Variants in INPP5A observed in about 807,000 individuals in gnomAD.
The protein encoded by INPP5A is 43 kDa inositol polyphosphate 5-phophatase.
A neutral mutation model predicts 65.2 loss-of-function variants in INPP5A; 14 were observed. The observed-to-expected ratio is 0.21, with a 90% CI of 0.14 to 0.34. INPP5A has a LOEUF of 0.34. INPP5A is among the 10% of genes least tolerant of loss of function. The pLI, the probability that INPP5A is intolerant of heterozygous loss-of-function variation, is 1.00. For synonymous variants in INPP5A, 207 were observed against 208.3 expected (o/e 0.99, Z 0.05); for missense variants, 431 against 545.6 (o/e 0.79, Z 2.09).
intron 4 of INPP5A, among the ~76,000 whole-genome samples, chr10:132,681,264 G>A (rs942611551): frequency 5.9e-5 from 9 of 152,172 alleles, no homozygotes; most frequent in African/African-American, 1.2e-4. Flanking sequence ...CAAGCTGCCC[G>A]AGCCAGCAGT....
Position 132,542,557 on chromosome 10 carries a change from ACT to A in INPP5A, c.75+4391_75+4392del, listed in dbSNP as rs2070920074. 1.3e-5 allele frequency among the ~76,000 whole-genome samples: 2 copies of A among 151,238 alleles called. 1 individual carries two copies. The highest frequency in any genetic ancestry group is 4.2e-4 in the South Asian group (2 of 4,800). On this transcript the variant is annotated intron_variant, in intron 1 of 15. Transcript: ENST00000368594. ...CCTCCAGCCACTGCGGGGCATCCTG[ACT>A]CTCTACCGTGGCAGCCCTCGAGTGG...
At chr10:132,629,654 G>A (rs568038495) in intron 2 of INPP5A, among the ~76,000 whole-genome samples, 16 of 152,328 alleles carry the variant, frequency 1.1e-4, no homozygotes, top group South Asian at 1.0e-3. Flanking sequence ...TGCATTGTGC[G>A]GACAGCCCTG....
intron 2 of INPP5A, among the ~76,000 whole-genome samples, chr10:132,638,887 G>A: frequency 6.6e-6 from 1 of 152,122 alleles, no homozygotes. Context: ...TTTTCTTCAA[G>A]CCACGCTGAG....
rs945780065 is a variant in INPP5A, at chr10:132,537,801, T to G, written c.-296T>G. The G allele has an allele frequency of 1.7e-5, 6 of 359,078 alleles. No individual in the cohort carries two copies. Among genetic ancestry groups the G allele is most frequent in the African/African-American group, 6.4e-5 (3 of 46,554 alleles). The allele number at this position is 359,078 out of a possible 1,614,324, so 22.2% of individuals were successfully genotyped here. Reference sequence around the variant, plus strand: ...CGCGGGGCGGGACTTGCCCTCAGCCTGAGTCGGCGGCGGCTGCGGGAACTT... The same window carrying G: ...CGCGGGGCGGGACTTGCCCTCAGCCGGAGTCGGCGGCGGCTGCGGGAACTT... On this transcript the variant is annotated 5_prime_UTR_variant, in exon 1 of 16. Transcript: ENST00000368594.
intron 2 of INPP5A, among the ~76,000 whole-genome samples, chr10:132,641,693 C>T (rs1362158040): frequency 6.6e-6 from 1 of 152,244 alleles, no homozygotes; most frequent in Non-Finnish European, 1.5e-5. Context: ...ACAATAGCAT[C>T]ATCTGCTGCC....
chr10:132,726,123 C>A (rs1176060259), intron 8 of INPP5A, among the ~76,000 whole-genome samples: 2 of 152,136 alleles, frequency 1.3e-5, no homozygotes, highest in Non-Finnish European at 2.9e-5. Context: ...GTGGAAAAAC[C>A]TTTAGGAAAC....
In INPP5A at chr10:132,644,650, C is replaced by T. The variant is rs2072469791; in HGVS notation, c.118-1218C>T. 6.6e-6 allele frequency among the ~76,000 whole-genome samples: 1 copy of T among 152,250 alleles called. No homozygotes were observed. The highest frequency in any genetic ancestry group is 1.5e-5 in the Non-Finnish European group (1 of 68,048). ...CCCTTCTCTCCCCGCCTTTCCGCTC[C>T]TCCAAGGAAGCTCGTCCTTTTGGGC... On this transcript the variant is annotated intron_variant, in intron 2 of 15. Coordinates refer to ENST00000368594, the MANE Select transcript of INPP5A (RefSeq NM_005539.5). This position sits in a 1 kb window ranked among gnomAD's most constrained non-coding sequence, Gnocchi z 6.5.
At chr10:132,735,287 G>T (rs1846156618) in intron 9 of INPP5A, among the ~76,000 whole-genome samples, 1 of 152,220 alleles carries the variant, frequency 6.6e-6, no homozygotes, top group Non-Finnish European at 1.5e-5. Flanking sequence ...CTCCTCTGGG[G>T]TGGTTTTCAG....
intron 1 of INPP5A, among the ~76,000 whole-genome samples, chr10:132,580,166 A>G (rs1250509743): frequency 1.3e-5 from 2 of 152,092 alleles, no homozygotes; most frequent in African/African-American, 4.8e-5. Flanking sequence ...TAAGAAGGAA[A>G]AGAAAGCCTG....
At chr10:132,561,935 G>C (rs1253476258) in intron 1 of INPP5A, among the ~76,000 whole-genome samples, 1 of 152,218 alleles carries the variant, frequency 6.6e-6, no homozygotes, top group Non-Finnish European at 1.5e-5. Flanking sequence ...GATGTGGCTG[G>C]GAGATCCCGG....
At chr10:132,731,966 G>A (rs951377567) in intron 9 of INPP5A, among the ~76,000 whole-genome samples, 1 of 152,166 alleles carries the variant, frequency 6.6e-6, no homozygotes, top group Admixed American at 6.5e-5. Context: ...CACCAGAATT[G>A]GACACCATGT....
chr10:132,782,025 A>C lies in INPP5A; in HGVS notation c.*8-12A>C. Reference sequence around the variant, plus strand: ...CGTTTGTTCCTTTAACAAATTACGAATTCCGTGACAGGGAAGAGATGCCAG... The same window carrying C: ...CGTTTGTTCCTTTAACAAATTACGACTTCCGTGACAGGGAAGAGATGCCAG... On this transcript the variant is annotated splice_polypyrimidine_tract_variant and intron_variant, in intron 15 of 15. Coordinates refer to ENST00000368594, the MANE Select transcript of INPP5A (RefSeq NM_005539.5). The surrounding 1 kb of genome is among the most constrained non-coding windows in gnomAD (Gnocchi z 4.4). The C allele has an allele frequency of 1.2e-6, 2 of 1,604,592 alleles. No individual in the cohort carries two copies. The highest frequency in any genetic ancestry group is 1.7e-6 in the Non-Finnish European group (2 of 1,174,724).
chr10:132,692,024 C>G (rs1238148639), intron 5 of INPP5A, among the ~76,000 whole-genome samples: 1 of 152,168 alleles, frequency 6.6e-6, no homozygotes, highest in African/African-American at 2.4e-5. Context: ...GCAGGTGTTG[C>G]TGCTGATGCT....
intron 4 of INPP5A, among the ~76,000 whole-genome samples, chr10:132,652,247 G>A (rs2072587710): frequency 6.6e-6 from 1 of 152,234 alleles, no homozygotes. Flanking sequence ...GAAGAAAAGA[G>A]AAGGTGACTG....
rs1447188457 is a variant in INPP5A, at chr10:132,760,096, G to A, written c.904-5677G>A. On this transcript the variant is annotated intron_variant, in intron 11 of 15. Transcript: ENST00000368594. ...GGTGCTCTGCTCTCTGAAGCTAAAC[G>A]AATTCATGTCGGCCAAGAGCTCCAG... is the stretch of plus-strand genomic sequence containing the variant. Among the ~76,000 whole-genome samples the A allele has an allele frequency of 2.6e-5, 4 of 152,342 alleles. No homozygotes were observed. In the East Asian group the frequency reaches 7.7e-4, roughly 29 times the overall value.
At chr10:132,591,369 C>T (rs956372124) in intron 1 of INPP5A, among the ~76,000 whole-genome samples, 28 of 152,130 alleles carry the variant, frequency 1.8e-4, no homozygotes, top group African/African-American at 2.4e-4. Flanking sequence ...CGGGGCGGGC[C>T]GCTGGCAGGC....
chr10:132,736,841 C>T (rs1288802622), intron 9 of INPP5A, among the ~76,000 whole-genome samples: 1 of 152,234 alleles, frequency 6.6e-6, no homozygotes, highest in African/African-American at 2.4e-5. Flanking sequence ...CTCCTGAGAC[C>T]CGCTGGCTGC....
In INPP5A at chr10:132,538,717, C is replaced by G. The variant is rs2070872749; in HGVS notation, c.75+546C>G. ...TCTGGTTACAGAACCTGCTCTCAAA[C>G]GTCTGTCTCTGGTCCCTGAGCCCTG... On this transcript the variant is annotated intron_variant, in intron 1 of 15. Coordinates refer to ENST00000368594, the MANE Select transcript of INPP5A (RefSeq NM_005539.5). The surrounding 1 kb of genome is among the most constrained non-coding windows in gnomAD (Gnocchi z 4.1). Among the ~76,000 whole-genome samples, 1 of 152,118 alleles carries G rather than the reference C, an allele frequency of 6.6e-6. No homozygotes were observed. The highest frequency in any genetic ancestry group is 2.1e-4 in the South Asian group (1 of 4,818).
At position 132,705,956 on chromosome 10, in the gene INPP5A, C is replaced by G. The variant is rs1194936300; in HGVS notation, c.475-2357C>G. Among the ~76,000 whole-genome samples the G allele has an allele frequency of 1.3e-5, 2 of 152,186 alleles. No individual in the cohort carries two copies. Among genetic ancestry groups the G allele is most frequent in the Non-Finnish European group, 2.9e-5 (2 of 68,044 alleles). On this transcript the variant is annotated intron_variant, in intron 6 of 15. Transcript: ENST00000368594. This position sits in a 1 kb window ranked among gnomAD's most constrained non-coding sequence, Gnocchi z 4.9. ...AAGTTGATTTCTTGGGAAAAGCTGA[C>G]AGACTTTAAGTATGTTTAAATTGCT...
Sources: gnomAD v4.1 joint callset for allele counts (sites outside exome capture counted in the v4.1 genomes callset) on GRCh38, gnomAD v4.1.1 for gene constraint, Gnocchi (gnomAD v3.1) non-coding constraint, MANE v1.5 for transcripts, NCBI Gene and HGNC (gene_info 2026-07-23, HGNC 2026-07-21) for gene names.